TOP3A: variants seen among roughly 807,000 people sequenced by gnomAD.
The protein encoded by TOP3A is DNA topoisomerase III alpha.
A neutral mutation model predicts 111.3 loss-of-function variants in TOP3A; 64 were observed. That is an observed-to-expected ratio of 0.57 (90% confidence interval 0.47 to 0.71). TOP3A has a LOEUF of 0.71. Among genes scored for constraint, TOP3A ranks in the 30% least tolerant of loss-of-function variants. TOP3A has a pLI of 0.00. For synonymous variants in TOP3A, 484 were observed against 485.1 expected (o/e 1.00, Z 0.03); for missense variants, 1,104 against 1,285.0 (o/e 0.86, Z 2.15).
chr17:18,285,832 C>T (rs1206956292), intron 13 of TOP3A, among the ~76,000 whole-genome samples: 3 of 152,296 alleles, frequency 2.0e-5, no homozygotes, highest in East Asian at 1.9e-4. Context: ...CTTCCTCTAC[C>T]CTAACCATTC....
chr17:18,276,155 G>A (rs1010308581), intron 18 of TOP3A, among the ~76,000 whole-genome samples: 7 of 152,152 alleles, frequency 4.6e-5, no homozygotes, highest in African/African-American at 1.7e-4. Flanking sequence ...TTTTTACAGA[G>A]GCAGAAACCC....
At chr17:18,297,757 T>C (rs2142976651) in intron 9 of TOP3A, among the ~76,000 whole-genome samples, 1 of 152,150 alleles carries the variant, frequency 6.6e-6, no homozygotes, top group Admixed American at 6.5e-5. Context: ...TGCAGTGGCG[T>C]GATCTCGGCT....
At position 18,305,707 on chromosome 17, in the gene TOP3A, A is replaced by G. The variant is rs922294331; in HGVS notation, c.391-487T>C. Among the ~76,000 whole-genome samples the G allele has an allele frequency of 5.9e-5, 9 of 152,044 alleles. 1 individual carries two copies. Among genetic ancestry groups the G allele is most frequent in the African/African-American group, 2.2e-4 (9 of 41,400 alleles). On this transcript the variant is annotated intron_variant, in intron 4 of 18. Transcript: ENST00000321105. ...CAAAAAATTAGCCGGGCATGGTGGCAGGCACCTGTAGTCCCAGCTACTCGG... is the reference window on the plus strand; with the variant it reads ...CAAAAAATTAGCCGGGCATGGTGGCGGGCACCTGTAGTCCCAGCTACTCGG...
chr17:18,292,593 C>T, intron 11 of TOP3A, 52 bp downstream of exon 11: 1 of 1,446,060 alleles, frequency 6.9e-7, no homozygotes, highest in East Asian at 2.4e-5. Context: ...TACTACTGAC[C>T]CCCAGCACTT....
intron 11 of TOP3A, 42 bp downstream of exon 11, chr17:18,292,603 T>A (rs544873443): frequency 6.7e-7 from 1 of 1,491,134 alleles, no homozygotes; most frequent in South Asian, 1.4e-5. Context: ...CCCCAGCACT[T>A]CCCTATGGGT....
At chr17:18,286,950 AT>A (rs1980142327) in intron 13 of TOP3A, among the ~76,000 whole-genome samples, 1 of 152,036 alleles carries the variant, frequency 6.6e-6, no homozygotes, top group African/African-American at 2.4e-5. Flanking sequence ...AGCCCAGCTA[AT>A]TTTTTCATTT....
Position 18,290,576 on chromosome 17 carries a change from G to C in TOP3A, c.1578C>G (p.Leu526=), listed in dbSNP as rs140624199. The change falls in exon 13 of 19, where the codon CTC becomes CTG. Residue 526 remains leucine, a synonymous_variant. Coordinates refer to ENST00000321105, the MANE Select transcript of TOP3A (RefSeq NM_004618.5). ...KLLTEADLIA[L]MEKHGIGTDA... is the part of the protein sequence containing the mutation. ...ACTGACCAATGCCATGCTTCTCCAT[G>C]AGGGCAATGAGGTCGGCCTCGGTGA... The C allele has an allele frequency of 6.3e-5, 101 of 1,599,022 alleles. No homozygotes were observed. Among genetic ancestry groups the C allele is most frequent in the African/African-American group, 5.4e-4 (40 of 74,640 alleles).
At chr17:18,289,796 T>C (rs1001737983) in intron 13 of TOP3A, among the ~76,000 whole-genome samples, 2 of 152,234 alleles carry the variant, frequency 1.3e-5, no homozygotes, top group Admixed American at 6.5e-5. Context: ...GGACTTCACG[T>C]TGAAGCACTG....
Position 18,277,675 on chromosome 17 carries a change from C to T in TOP3A, c.2827G>A (p.Gly943Arg), listed in dbSNP as rs1248044099. 6.2e-7 allele frequency: 1 copy of T among 1,600,270 alleles called. No individual in the cohort carries two copies. The change falls in exon 18 of 19, where the codon GGG (glycine) becomes AGG (arginine). Residue 943 changes from glycine (G) to arginine (R), a missense_variant and splice_region_variant. Coordinates refer to ENST00000321105, the MANE Select transcript of TOP3A (RefSeq NM_004618.5). ...FQWVDENTAP[G>R]TSGAPSWTGD... ...ATTCCCATGCCCCTCCCTGCCTCACCTGGAGCGGTGTTCTCATCGACCCAC... is the reference window on the plus strand; with the variant it reads ...ATTCCCATGCCCCTCCCTGCCTCACTTGGAGCGGTGTTCTCATCGACCCAC...
chr17:18,295,107 C>T (rs1980715458), intron 9 of TOP3A, among the ~76,000 whole-genome samples: 1 of 152,206 alleles, frequency 6.6e-6, no homozygotes, highest in Admixed American at 6.5e-5. Flanking sequence ...CCTTGGCCTC[C>T]CAAAATGCTA....
chr17:18,283,527 C>A (rs187847922), intron 15 of TOP3A, among the ~76,000 whole-genome samples: 1 of 152,282 alleles, frequency 6.6e-6, no homozygotes, highest in Non-Finnish European at 1.5e-5. Flanking sequence ...TACAGTCTCA[C>A]AACACACATC....
intron 13 of TOP3A, among the ~76,000 whole-genome samples, chr17:18,288,306 T>C (rs1231041551): frequency 6.6e-6 from 1 of 151,292 alleles, no homozygotes; most frequent in African/African-American, 2.4e-5. Context: ...GCGTCAGCCA[T>C]AACACCTAGC....
In TOP3A at chr17:18,287,087, T is replaced by C. The variant is rs149149269; in HGVS notation, c.1598-1567A>G. Among the ~76,000 whole-genome samples, 344 of 151,848 alleles carry C rather than the reference T, an allele frequency of 2.3e-3. 2 individuals carry two copies. The highest frequency in any genetic ancestry group is 7.9e-3 in the African/African-American group (326 of 41,470). On this transcript the variant is annotated intron_variant, in intron 13 of 18. Transcript: ENST00000321105. ...GTGTGAGCCACTGTGCCTGGCTCTT[T>C]ATAGGAAATAACTAAAGTAGGCAAA...
At position 18,309,481 on chromosome 17, in the gene TOP3A, A is replaced by G. The variant is rs948025888; in HGVS notation, c.181-540T>C. Among the ~76,000 whole-genome samples, 75 of 151,958 alleles carry G rather than the reference A, an allele frequency of 4.9e-4. 1 individual carries two copies. The highest frequency in any genetic ancestry group is 3.3e-4 in the Admixed American group (5 of 15,256). On this transcript the variant is annotated intron_variant, in intron 1 of 18. Coordinates refer to ENST00000321105, the MANE Select transcript of TOP3A (RefSeq NM_004618.5). ...AACATGGTGAAACCCCATCTCTACTAAAAATACAACAATTGGCCAGGTGTG... is the reference window on the plus strand; with the variant it reads ...AACATGGTGAAACCCCATCTCTACTGAAAATACAACAATTGGCCAGGTGTG...
chr17:18,278,034 G>C lies in TOP3A; in HGVS notation c.2468C>G (p.Thr823Ser). The part of the protein sequence containing the change: ...CNCGQEAVLL[T>S]VRKEGPNRGR... ...CCGGTTGGGGCCCTCCTTACGGACA[G>C]TGAGCAGCACAGCCTCCTGGCCACA... The change falls in exon 18 of 19, where the codon ACT becomes AGT. Residue 823 changes from threonine (T) to serine (S), a missense_variant. Thr to Ser is a moderately conservative substitution (Grantham distance 58). Coordinates refer to ENST00000321105, the MANE Select transcript of TOP3A (RefSeq NM_004618.5). 1 of 1,614,212 alleles carries C rather than the reference G, an allele frequency of 6.2e-7. No individual in the cohort carries two copies. The highest frequency in any genetic ancestry group is 8.5e-7 in the Non-Finnish European group (1 of 1,180,056).
At chr17:18,308,267 G>C (rs537037016) in intron 3 of TOP3A, 84 bp downstream of exon 3, 1 of 460,464 alleles carries the variant, frequency 2.2e-6, no homozygotes, top group Non-Finnish European at 3.7e-6. Flanking sequence ...AAATTACCCA[G>C]TAAGATCAAC....
chr17:18,284,172 G>T (rs994941447), intron 15 of TOP3A, among the ~76,000 whole-genome samples: 100 of 130,916 alleles, frequency 7.6e-4, no homozygotes, highest in African/African-American at 2.5e-3. Flanking sequence ...GCTAATTTTT[G>T]TATTTTTTTT....
intron 18 of TOP3A, among the ~76,000 whole-genome samples, chr17:18,277,137 T>C (rs995845401): frequency 1.4e-5 from 2 of 144,384 alleles, no homozygotes; most frequent in Non-Finnish European, 3.0e-5. Context: ...TGAACCAAGA[T>C]TGCACCATTG....
intron 9 of TOP3A, 40 bp downstream of exon 9, chr17:18,299,519 G>A: frequency 6.3e-7 from 1 of 1,582,044 alleles, no homozygotes; most frequent in South Asian, 1.1e-5. Context: ...AAAACAGTAA[G>A]TGTTCCCCGA....
Sources: gnomAD v4.1 joint callset for allele counts (sites outside exome capture counted in the v4.1 genomes callset) on GRCh38, gnomAD v4.1.1 for gene constraint, MANE v1.5 for transcripts, NCBI Gene and HGNC (gene_info 2026-07-23, HGNC 2026-07-21) for gene names.